The following RAB11B variants were observed in gnomAD, a reference collection of about 807,000 sequenced individuals.
The protein encoded by RAB11B is ras-related protein Rab-11B.
In RAB11B, 7 loss-of-function variants were observed where a neutral mutation model predicts 23.7. The observed-to-expected ratio is 0.29, with a 90% CI of 0.17 to 0.55. The LOEUF is 0.55. Ranked by LOEUF, RAB11B falls within the 20% of genes least tolerant of loss-of-function variation. RAB11B has a pLI of 0.93. For synonymous variants in RAB11B, 138 were observed against 132.0 expected (o/e 1.05, Z -0.31); for missense variants, 189 against 320.0 (o/e 0.59, Z 3.12).
In RAB11B at chr19:8,390,394, A is replaced by T; in HGVS notation, c.-23A>T. On this transcript the variant is annotated 5_prime_UTR_variant, in exon 1 of 5. Transcript: ENST00000328024. The stretch of plus-strand genomic sequence containing the variant: ...TTGTGGTGGGGCTGCGGAGTCGCCG[A>T]TCCCGCCGGAAGCGCCAGGACAATG... The T allele has an allele frequency of 6.5e-7, 1 of 1,528,772 alleles. No individual in the cohort carries two copies. Among genetic ancestry groups the T allele is most frequent in the Non-Finnish European group, 8.8e-7 (1 of 1,141,996 alleles). 94.7% of individuals were successfully genotyped at this position (1,528,772 alleles called of 1,614,324 possible). A position where few individuals can be genotyped will look rare whatever the true frequency, so the allele number is the denominator to read the frequency against.
At chr19:8,400,996 A>T (rs1195591110) in intron 2 of RAB11B, among the ~76,000 whole-genome samples, 2 of 152,162 alleles carry the variant, frequency 1.3e-5, no homozygotes, top group African/African-American at 4.8e-5. Flanking sequence ...GGCTCAAGCG[A>T]TTCTCCTGCC....
rs533242991 is a variant in RAB11B, at chr19:8,404,414, A to C, written c.*856A>C. 2 of 152,202 alleles carry C rather than the reference A, an allele frequency of 1.3e-5. No individual in the cohort carries two copies. Among genetic ancestry groups the C allele is most frequent in the Admixed American group, 6.5e-5 (1 of 15,286 alleles). The allele number at this position is 152,202 out of a possible 1,614,324, so 9.4% of individuals were successfully genotyped here. A position where few individuals can be genotyped will look rare whatever the true frequency, so the allele number is the denominator to read the frequency against. On this transcript the variant is annotated 3_prime_UTR_variant, in exon 5 of 5. Coordinates refer to ENST00000328024, the MANE Select transcript of RAB11B (RefSeq NM_004218.4). Reference sequence around the variant, plus strand: ...ACCCCGCCCGTTACTGAAATGTATAATCTGACTTCCTGTACAGAAACCTGC... The same window carrying C: ...ACCCCGCCCGTTACTGAAATGTATACTCTGACTTCCTGTACAGAAACCTGC...
In RAB11B at chr19:8,403,589, G is replaced by A. The variant is rs370209262; in HGVS notation, c.*31G>A. ...GCGCCTCCACCCAGCGTGCGTGCAC[G>A]TCCTCCGCCCGCCCCCGCCACGGTA... is the stretch of plus-strand genomic sequence containing the variant. On this transcript the variant is annotated 3_prime_UTR_variant, in exon 5 of 5. Coordinates refer to ENST00000328024, the MANE Select transcript of RAB11B (RefSeq NM_004218.4). 3.3e-5 allele frequency: 53 copies of A among 1,588,656 alleles called. No homozygotes were observed. The highest frequency in any genetic ancestry group is 3.7e-5 in the Non-Finnish European group (43 of 1,163,812).
rs1487229487 is a variant in RAB11B at position 8,399,955 on chromosome 19, G to A, written c.133G>A (p.Gly45Ser). The part of the protein sequence containing the change: ...EFNLESKSTI[G>S]VEFATRSIQV... ...CAACCTGGAGAGCAAGAGCACCATC[G>A]GCGTGGAGTTCGCCACCCGCAGCAT... The change falls in exon 2 of 5, where the codon GGC becomes AGC. Residue 45 changes from glycine (G) to serine (S), a missense_variant. Coordinates refer to ENST00000328024, the MANE Select transcript of RAB11B (RefSeq NM_004218.4). 1.2e-6 allele frequency: 2 copies of A among 1,614,194 alleles called. No homozygotes were observed. Among genetic ancestry groups the A allele is most frequent in the Non-Finnish European group, 1.7e-6 (2 of 1,180,016 alleles).
chr19:8,403,683 G>T lies in RAB11B; in HGVS notation c.*125G>T. The T allele has an allele frequency of 7.4e-7, 1 of 1,354,690 alleles. No individual in the cohort carries two copies. Among genetic ancestry groups the T allele is most frequent in the Non-Finnish European group, 9.9e-7 (1 of 1,012,666 alleles). 83.9% of individuals were successfully genotyped at this position (1,354,690 alleles called of 1,614,324 possible). On this transcript the variant is annotated 3_prime_UTR_variant, in exon 5 of 5. Coordinates refer to ENST00000328024, the MANE Select transcript of RAB11B (RefSeq NM_004218.4). ...CAGCCCTCCCAGTGAGCTCTGCACG[G>T]CCGGGCCGGGGCCCAGGAAGGACAG...
In RAB11B at chr19:8,403,393, C is replaced by T; in HGVS notation, c.512-20C>T. On this transcript the variant is annotated intron_variant, in intron 4 of 4. Coordinates refer to ENST00000328024, the MANE Select transcript of RAB11B (RefSeq NM_004218.4). ...GGCACGTGCTGGCTCACCCCACGTC[C>T]CCCTGTACCCCCTTTGCAGAGATCT... 4 of 1,599,286 alleles carry T rather than the reference C, an allele frequency of 2.5e-6. No individual in the cohort carries two copies. In the South Asian group the frequency reaches 4.5e-5, roughly 18 times the overall value.
chr19:8,390,779 AT>A (rs1305815205), intron 1 of RAB11B: 1 of 109,064 alleles, frequency 9.2e-6, no homozygotes, highest in East Asian at 2.2e-4. Flanking sequence ...CTTTCCCAAG[AT>A]TTGGCGGGCC....
chr19:8,392,354 C>T (rs147568413), intron 1 of RAB11B, among the ~76,000 whole-genome samples: 1 of 152,058 alleles, frequency 6.6e-6, no homozygotes, highest in East Asian at 1.9e-4. Flanking sequence ...GGGTCAGGAG[C>T]AATGGAGAGG....
intron 2 of RAB11B, 150 bp downstream of exon 2, chr19:8,400,208 A>C: frequency 1.0e-6 from 1 of 974,712 alleles, no homozygotes. Context: ...CGCTTTAGCC[A>C]TGCGCCGTGG....
At chr19:8,399,770 C>T (rs1349476736) in intron 1 of RAB11B, 93 bp from the exon 2 acceptor site, 17 of 1,437,880 alleles carry the variant, frequency 1.2e-5, no homozygotes, top group Admixed American at 1.9e-5. Context: ...TTGGCAGCCG[C>T]GTTGGTGCAG....
intron 2 of RAB11B, among the ~76,000 whole-genome samples, chr19:8,400,837 G>A (rs1349519856): frequency 6.6e-6 from 1 of 152,042 alleles, no homozygotes; most frequent in East Asian, 1.9e-4. Context: ...CCACCCTCTC[G>A]GCTTCCCAAA....
intron 1 of RAB11B, among the ~76,000 whole-genome samples, chr19:8,394,141 A>T (rs897187590): frequency 3.3e-5 from 5 of 152,202 alleles, no homozygotes; most frequent in African/African-American, 1.2e-4. Flanking sequence ...TCGGGCACCC[A>T]GTGCCAGGGA....
At chr19:8,401,999 C>G in intron 2 of RAB11B, 87 bp from the exon 3 acceptor site, 1 of 1,392,646 alleles carries the variant, frequency 7.2e-7, no homozygotes, top group South Asian at 1.4e-5. Flanking sequence ...ACGACCCACC[C>G]TGGGCGTGAT....
chr19:8,398,519 C>A (rs755097247), intron 1 of RAB11B, among the ~76,000 whole-genome samples: 2 of 152,188 alleles, frequency 1.3e-5, no homozygotes, highest in Non-Finnish European at 2.9e-5. Context: ...CAGCAGGGGA[C>A]CTGACCCTGG....
intron 1 of RAB11B, 30 bp from the exon 2 acceptor site, chr19:8,399,833 G>A: frequency 1.2e-6 from 2 of 1,604,140 alleles, no homozygotes; most frequent in Non-Finnish European, 1.7e-6. Flanking sequence ...TGGAGTGTGG[G>A]GATTCACAGA....
intron 1 of RAB11B, among the ~76,000 whole-genome samples, chr19:8,395,741 G>A (rs1272310683): frequency 6.6e-6 from 1 of 152,174 alleles, no homozygotes; most frequent in African/African-American, 2.4e-5. Context: ...GCCGCCCCAG[G>A]GGGACAGGCT....
intron 1 of RAB11B, among the ~76,000 whole-genome samples, chr19:8,395,702 G>T (rs964994427): frequency 1.1e-4 from 16 of 152,180 alleles, no homozygotes; most frequent in Middle Eastern, 6.3e-3. Flanking sequence ...TGAGCCGAGG[G>T]GTCTTGAAGG....
chr19:8,390,365 G>C lies in RAB11B; in HGVS notation c.-52G>C. 1 of 1,501,238 alleles carries C rather than the reference G, an allele frequency of 6.7e-7. No individual in the cohort carries two copies. 93.0% of individuals were successfully genotyped at this position (1,501,238 alleles called of 1,614,324 possible). ...GCGGCGCCGGCTCCGCCCCCGTCGGGTGTTTGTGGTGGGGCTGCGGAGTCG... is the reference window on the plus strand; with the variant it reads ...GCGGCGCCGGCTCCGCCCCCGTCGGCTGTTTGTGGTGGGGCTGCGGAGTCG... On this transcript the variant is annotated 5_prime_UTR_variant, in exon 1 of 5. Transcript: ENST00000328024.
Position 8,399,951 on chromosome 19 carries a change from C to G in RAB11B, c.129C>G (p.Thr43=). 6.2e-7 allele frequency: 1 copy of G among 1,614,216 alleles called. No homozygotes were observed. The highest frequency in any genetic ancestry group is 2.2e-5 in the East Asian group (1 of 44,884). The change falls in exon 2 of 5, where the codon ACC becomes ACG. Residue 43 remains threonine, a synonymous_variant. Transcript: ENST00000328024. ...AGTTCAACCTGGAGAGCAAGAGCAC[C>G]ATCGGCGTGGAGTTCGCCACCCGCA... is the stretch of plus-strand genomic sequence containing the variant. ...RNEFNLESKS[T]IGVEFATRSI...
Sources: gnomAD v4.1 joint callset for allele counts (sites outside exome capture counted in the v4.1 genomes callset) on GRCh38, gnomAD v4.1.1 for gene constraint, MANE v1.5 for transcripts, NCBI Gene and HGNC (gene_info 2026-07-23, HGNC 2026-07-21) for gene names.